Variants in SLTM observed in about 807,000 individuals in gnomAD.
SLTM encodes the protein SAFB-like transcription modulator.
In SLTM, 43 loss-of-function variants were observed where a neutral mutation model predicts 134.6. The ratio of observed to expected loss-of-function variants is 0.32; its 90% CI spans 0.25 to 0.41. The LOEUF is 0.41. Among genes scored for constraint, SLTM ranks in the 10% least tolerant of loss-of-function variants. The probability of loss-of-function intolerance (pLI) is 1.00; values close to 1 mark genes in which losing one functional copy is unlikely to be tolerated. For synonymous variants in SLTM, 424 were observed against 432.3 expected (o/e 0.98, Z 0.24); for missense variants, 1,055 against 1,288.8 (o/e 0.82, Z 2.78).
At chr15:58,920,143 C>G (rs550517305) in intron 2 of SLTM, among the ~76,000 whole-genome samples, 1 of 151,716 alleles carries the variant, frequency 6.6e-6, no homozygotes, top group African/African-American at 2.4e-5. Flanking sequence ...AGCAAAACCC[C>G]ACCTCTACTA....
chr15:58,884,153 C>T (rs1431053470), intron 19 of SLTM, among the ~76,000 whole-genome samples: 1 of 150,864 alleles, frequency 6.6e-6, no homozygotes, highest in African/African-American at 2.4e-5. Flanking sequence ...CTCATACCAA[C>T]TTATATTGGT....
At chr15:58,921,610 T>G (rs771276293) in intron 2 of SLTM, 7 of 438,818 alleles carry the variant, frequency 1.6e-5, no homozygotes, top group African/African-American at 1.4e-4. Context: ...GACAAGATTG[T>G]CAAACAGTGA....
intron 1 of SLTM, 94 bp downstream of exon 1, chr15:58,933,310 G>C: frequency 7.2e-7 from 1 of 1,388,638 alleles, no homozygotes; most frequent in South Asian, 1.4e-5. Flanking sequence ...GGTCCCAGCG[G>C]CTGCGGGCAG....
chr15:58,926,356 G>T (rs1249618571), intron 2 of SLTM, among the ~76,000 whole-genome samples: 1 of 151,980 alleles, frequency 6.6e-6, no homozygotes, highest in Admixed American at 6.6e-5. Flanking sequence ...GAAAAGGGGG[G>T]AAAAAACCTT....
chr15:58,907,415 A>C (rs1378816925), intron 5 of SLTM, among the ~76,000 whole-genome samples: 1 of 152,140 alleles, frequency 6.6e-6, no homozygotes, highest in East Asian at 1.9e-4. Flanking sequence ...TGGGCTCAGG[A>C]GTTTGAGACC....
chr15:58,926,488 T>G (rs2037476665), intron 2 of SLTM, among the ~76,000 whole-genome samples: 1 of 152,174 alleles, frequency 6.6e-6, no homozygotes, highest in Admixed American at 6.5e-5. Context: ...TTAGAAAGCT[T>G]TACAGAGTAA....
At chr15:58,885,214 CAG>C (rs758532977) in intron 19 of SLTM, among the ~76,000 whole-genome samples, 20 of 152,198 alleles carry the variant, frequency 1.3e-4, no homozygotes, top group Non-Finnish European at 2.2e-4. Flanking sequence ...CACAAAGAAA[CAG>C]AAACTGTAGA....
At chr15:58,914,169 T>G (rs1459162067) in intron 3 of SLTM, among the ~76,000 whole-genome samples, 1 of 152,258 alleles carries the variant, frequency 6.6e-6, no homozygotes, top group Admixed American at 6.5e-5. Context: ...GAAATGTATT[T>G]GTTTTGAAAT....
rs1226276560 is a variant in SLTM, at chr15:58,888,541, T to G, written c.2219A>C (p.Tyr740Ser). 1.2e-6 allele frequency: 2 copies of G among 1,613,422 alleles called. No individual in the cohort carries two copies. ...AGACAACTTTTTATTCTCGCTCCAG[T>G]AAGGATCATCTCGCCTTGAAGAGAA... The part of the protein sequence containing the change: ...RDVDHRRDDP[Y>S]WSENKKLSLD... Residue 740 changes from tyrosine (Y) to serine (S), a missense_variant, in exon 17 of 21, where the codon TAC (tyrosine) becomes TCC (serine). Tyr to Ser is a moderately radical substitution (Grantham distance 144). Around this residue, in one of 3 missense-constraint regions of SLTM, gnomAD observed 776 missense variants for 962.2 expected, o/e 0.81. Coordinates refer to ENST00000380516, the MANE Select transcript of SLTM (RefSeq NM_024755.4).
intron 2 of SLTM, among the ~76,000 whole-genome samples, chr15:58,930,959 C>G (rs1033607579): frequency 1.3e-5 from 2 of 151,886 alleles, no homozygotes; most frequent in East Asian, 3.9e-4. Flanking sequence ...AAATAATAGT[C>G]AACTCAAACA....
At chr15:58,891,337 C>A (rs2034629718) in intron 14 of SLTM, among the ~76,000 whole-genome samples, 1 of 152,132 alleles carries the variant, frequency 6.6e-6, no homozygotes, top group Non-Finnish European at 1.5e-5. Flanking sequence ...CTTTCAGATG[C>A]CACAACGGAC....
chr15:58,887,631 G>A, intron 17 of SLTM, 91 bp from the exon 18 acceptor site: 2 of 1,499,182 alleles, frequency 1.3e-6, no homozygotes, highest in African/African-American at 1.4e-5. Context: ...CTACAATAAT[G>A]AAACCAAAAA....
intron 5 of SLTM, among the ~76,000 whole-genome samples, chr15:58,905,494 C>G (rs567796326): frequency 1.3e-5 from 2 of 151,970 alleles, no homozygotes; most frequent in Non-Finnish European, 2.9e-5. Flanking sequence ...CTTGAGGCCA[C>G]GAGTTTGAGA....
intron 14 of SLTM, 92 bp downstream of exon 14, chr15:58,892,805 G>T: frequency 7.5e-7 from 1 of 1,331,900 alleles, no homozygotes. Context: ...ACAGTTTTCT[G>T]TGGGAATACA....
At position 58,933,612 on chromosome 15, in the gene SLTM, G is replaced by T. The variant is rs776914293; in HGVS notation, c.-47C>A. On this transcript the variant is annotated 5_prime_UTR_variant, in exon 1 of 21. Transcript: ENST00000380516. Reference sequence around the variant, plus strand: ...CGAGGCAGCGAGTGGGCTGCAGGGCGGCGGCAGCAGCGCCAACTTCCACCC... The same window carrying T: ...CGAGGCAGCGAGTGGGCTGCAGGGCTGCGGCAGCAGCGCCAACTTCCACCC... The T allele has an allele frequency of 4.7e-6, 7 of 1,499,026 alleles. No individual in the cohort carries two copies. Among genetic ancestry groups the T allele is most frequent in the South Asian group, 3.7e-5 (3 of 81,046 alleles). 92.9% of individuals were successfully genotyped at this position (1,499,026 alleles called of 1,614,324 possible). A position where few individuals can be genotyped will look rare whatever the true frequency, so the allele number is the denominator to read the frequency against.
intron 2 of SLTM, among the ~76,000 whole-genome samples, chr15:58,927,236 T>G (rs2037540009): frequency 1.3e-5 from 2 of 152,276 alleles, no homozygotes; most frequent in Non-Finnish European, 2.9e-5. Flanking sequence ...TATTTCTTTT[T>G]TTTGTTTGTT....
At chr15:58,928,214 G>A (rs866535627) in intron 2 of SLTM, among the ~76,000 whole-genome samples, 37 of 152,244 alleles carry the variant, frequency 2.4e-4, no homozygotes, top group African/African-American at 3.6e-4. Context: ...GACTTTAAAG[G>A]TTGAAATTTT....
chr15:58,894,705 GTTTT>G (rs3052966), intron 9 of SLTM, 123 bp from the exon 10 acceptor site: 146 of 517,976 alleles, frequency 2.8e-4, no homozygotes, highest in East Asian at 6.0e-4. Flanking sequence ...TCTGTCTCAT[GTTTT>G]TTTTTTTTTT....
chr15:58,924,980 C>T (rs1302317863), intron 2 of SLTM, among the ~76,000 whole-genome samples: 8 of 150,878 alleles, frequency 5.3e-5, no homozygotes, highest in African/African-American at 1.9e-4. Context: ...CCACTGCTCC[C>T]AGCCTAAGGA....
Sources: gnomAD v4.1 joint callset for allele counts (sites outside exome capture counted in the v4.1 genomes callset) on GRCh38, gnomAD v4.1.1 for gene constraint, gnomAD v4.1.1 regional missense constraint, MANE v1.5 for transcripts, NCBI Gene and HGNC (gene_info 2026-07-23, HGNC 2026-07-21) for gene names.